The following ZNF93 variants were observed in gnomAD, a reference collection of about 807,000 sequenced individuals.
ZNF93 encodes zinc finger protein 505.
Under a neutral mutation model 45.0 loss-of-function variants are expected in ZNF93, and 29 were observed. That is an observed-to-expected ratio of 0.64 (90% CI 0.48 to 0.88). The LOEUF is 0.88. ZNF93 is among the 40% of genes least tolerant of loss of function. The probability of loss-of-function intolerance (pLI) is 0.00; values close to 1 mark genes in which losing one functional copy is unlikely to be tolerated. For missense variants in ZNF93, 578 were observed against 724.0 expected (o/e 0.80, Z 2.31); for synonymous variants, 223 against 244.6 (o/e 0.91, Z 0.82).
chr19:19,915,439 C>T (rs2063321073), intron 2 of ZNF93, 33 bp downstream of exon 2: 15 of 1,600,278 alleles, frequency 9.4e-6, no homozygotes, highest in Non-Finnish European at 1.2e-5. Context: ...ATTCATAATA[C>T]ACCCTAAAGG....
At chr19:19,917,266 C>T (rs921252425) in intron 3 of ZNF93, among the ~76,000 whole-genome samples, 19 of 152,098 alleles carry the variant, frequency 1.2e-4, no homozygotes, top group African/African-American at 3.9e-4. Context: ...AATACCACTG[C>T]AATTTTGATA....
intron 3 of ZNF93, among the ~76,000 whole-genome samples, chr19:19,927,522 T>C (rs1314744171): frequency 6.6e-6 from 1 of 152,202 alleles, no homozygotes; most frequent in African/African-American, 2.4e-5. Flanking sequence ...CTACTTTCTG[T>C]TTTTATGATT....
At chr19:19,914,797 T>C in intron 1 of ZNF93, 1 of 381,378 alleles carries the variant, frequency 2.6e-6, no homozygotes, top group South Asian at 1.9e-5. Flanking sequence ...AATATCCTTC[T>C]CGGGCCAAAA....
chr19:19,934,147 A>T lies in ZNF93; in HGVS notation c.1192A>T (p.Lys398Ter). 6.2e-7 allele frequency: 1 copy of T among 1,610,714 alleles called. No individual in the cohort carries two copies. The highest frequency in any genetic ancestry group is 1.1e-5 in the South Asian group (1 of 91,024). ...KRVHTGEKPYKCEECGKAFKY... is the reference protein window; with the variant it reads ...KRVHTGEKPY ...AGTTCATACTGGAGAGAAGCCCTAC[A>T]AATGTGAAGAATGTGGCAAAGCCTT... Residue 398 changes from lysine (K) to a stop codon, truncating the protein, a stop_gained, in exon 4 of 4, where the codon AAA becomes TAA. Coordinates refer to ENST00000343769, the MANE Select transcript of ZNF93 (RefSeq NM_031218.4). LOFTEE classifies it high-confidence loss of function.
intron 1 of ZNF93, among the ~76,000 whole-genome samples, chr19:19,911,842 C>T (rs750702566): frequency 1.3e-4 from 19 of 151,944 alleles, no homozygotes; most frequent in African/African-American, 1.9e-4. Flanking sequence ...CTCTGCCGCC[C>T]GGGTTCAGGT....
intron 3 of ZNF93, among the ~76,000 whole-genome samples, chr19:19,920,300 C>T (rs1366895868): frequency 6.6e-6 from 1 of 152,158 alleles, no homozygotes; most frequent in Non-Finnish European, 1.5e-5. Flanking sequence ...AGGGATGAAG[C>T]CCACTTGATC....
chr19:19,916,298 T>C (rs929935290), intron 2 of ZNF93, among the ~76,000 whole-genome samples: 2 of 152,084 alleles, frequency 1.3e-5, no homozygotes, highest in African/African-American at 4.8e-5. Flanking sequence ...AACTCCTGAC[T>C]TCGTGATCCG....
rs1476874851 is a variant in ZNF93 at position 19,901,233 on chromosome 19, C to T, written c.3+142C>T. ...TTCTTGCCCAGCTCGGCCTCGGTTC[C>T]CTTCAGCCATAAGATGGCGGCTGCG... On this transcript the variant is annotated intron_variant, in intron 1 of 3. Coordinates refer to ENST00000343769, the MANE Select transcript of ZNF93 (RefSeq NM_031218.4). The T allele has an allele frequency of 3.6e-6, 5 of 1,393,008 alleles. No homozygotes were observed. The East Asian group carries it at 1.2e-4, about 33-fold the overall frequency. The allele number at this position is 1,393,008 out of a possible 1,614,324, so 86.3% of individuals were successfully genotyped here.
rs762742310 is a variant in ZNF93 at position 19,933,789 on chromosome 19, T to C, written c.834T>C (p.Ile278=). 6.2e-7 allele frequency: 1 copy of C among 1,612,626 alleles called. No homozygotes were observed. Among genetic ancestry groups the C allele is most frequent in the South Asian group, 1.1e-5 (1 of 91,008 alleles). Residue 278 remains isoleucine, a synonymous_variant, in exon 4 of 4, where the codon ATT becomes ATC. Transcript: ENST00000343769. ...CGACACTTACTAAACATAAGAAAAT[T>C]CATACTGGAGAGAAACCCTACAAAT... The part of the protein sequence containing the change: ...QSSTLTKHKK[I]HTGEKPYKCE...
In ZNF93 at chr19:19,933,198, T is replaced by C. The variant is rs759152191; in HGVS notation, c.243T>C (p.Phe81=). ...TTCTTTCAGTTATATGTTCTCATTTTGCCCAAGATCTTTGGCCAGAGCAGA... is the reference window on the plus strand; with the variant it reads ...TTCTTTCAGTTATATGTTCTCATTTCGCCCAAGATCTTTGGCCAGAGCAGA... ...VANPSVICSH[F]AQDLWPEQNI... is the part of the protein sequence containing the mutation. The change falls in exon 4 of 4, where the codon TTT becomes TTC. Residue 81 remains phenylalanine (F), a synonymous_variant. Transcript: ENST00000343769. 6.5e-7 allele frequency: 1 copy of C among 1,535,114 alleles called. No individual in the cohort carries two copies. The highest frequency in any genetic ancestry group is 1.3e-5 in the South Asian group (1 of 77,048).
At chr19:19,916,470 A>G (rs2063324063) in intron 2 of ZNF93, 90 bp from the exon 3 acceptor site, 1 of 996,482 alleles carries the variant, frequency 1.0e-6, no homozygotes, top group Non-Finnish European at 1.5e-6. Flanking sequence ...TTACTAGAAT[A>G]TTTTATCACA....
intron 1 of ZNF93, among the ~76,000 whole-genome samples, chr19:19,913,873 G>A (rs1219662547): frequency 6.6e-6 from 1 of 152,202 alleles, no homozygotes; most frequent in Non-Finnish European, 1.5e-5. Flanking sequence ...ATGAAGAGCT[G>A]TGTCCACTCT....
rs562901274 is a variant in ZNF93, at chr19:19,922,039, C to T, written c.226+5384C>T. On this transcript the variant is annotated intron_variant, in intron 3 of 3. Transcript: ENST00000343769. ...CGTTGATGCAGTTTCTTCTTAGCCTCGATGGTCTTTACTATTTGGCATGTT... is the reference window on the plus strand; with the variant it reads ...CGTTGATGCAGTTTCTTCTTAGCCTTGATGGTCTTTACTATTTGGCATGTT... 3.1e-4 allele frequency among the ~76,000 whole-genome samples: 47 copies of T among 152,296 alleles called. No individual in the cohort carries two copies. The South Asian group carries it at 4.8e-3, about 15-fold the overall frequency.
At chr19:19,918,922 A>AG (rs1222714157) in intron 3 of ZNF93, among the ~76,000 whole-genome samples, 1 of 148,516 alleles carries the variant, frequency 6.7e-6, no homozygotes, top group African/African-American at 2.6e-5. Flanking sequence ...CTCTGATGGT[A>AG]GTTTTTTTTT....
At position 19,934,821 on chromosome 19, in the gene ZNF93, G is replaced by T; in HGVS notation, c.*3G>T. 6.3e-7 allele frequency: 1 copy of T among 1,585,598 alleles called. No homozygotes were observed. Among genetic ancestry groups the T allele is most frequent in the Non-Finnish European group, 8.6e-7 (1 of 1,167,578 alleles). ...TTCATACTGGGGAGAAACCCTAGAA[G>T]TGTGAAGAATGTGGCAAAGCCTTCA... On this transcript the variant is annotated 3_prime_UTR_variant, in exon 4 of 4. Coordinates refer to ENST00000343769, the MANE Select transcript of ZNF93 (RefSeq NM_031218.4).
rs539537041 is a variant in ZNF93, at chr19:19,924,308, C to T, written c.226+7653C>T. Among the ~76,000 whole-genome samples, 10 of 152,196 alleles carry T rather than the reference C, an allele frequency of 6.6e-5. No homozygotes were observed. The South Asian group carries it at 8.3e-4, about 13-fold the overall frequency. ...GTTTCACCATGTTGGTAAGGCTGGT[C>T]GGAAACTCCTGACCTTAGATGATCC... On this transcript the variant is annotated intron_variant, in intron 3 of 3. Coordinates refer to ENST00000343769, the MANE Select transcript of ZNF93 (RefSeq NM_031218.4).
At chr19:19,927,946 C>T (rs138054702) in intron 3 of ZNF93, among the ~76,000 whole-genome samples, 27 of 152,256 alleles carry the variant, frequency 1.8e-4, no homozygotes, top group African/African-American at 6.3e-4. Context: ...TGGTGTTTTA[C>T]CATGTTGGCC....
At chr19:19,905,041 C>A (rs2063288603) in intron 1 of ZNF93, among the ~76,000 whole-genome samples, 1 of 152,196 alleles carries the variant, frequency 6.6e-6, no homozygotes, top group African/African-American at 2.4e-5. Flanking sequence ...GAATCTGCAG[C>A]AGCAACCTGT....
chr19:19,933,051 A>G, intron 3 of ZNF93, 131 bp from the exon 4 acceptor site: 1 of 704,850 alleles, frequency 1.4e-6, no homozygotes. Context: ...GTTCAGGAAG[A>G]CATTACAGCT....
Sources: allele counts gnomAD v4.1 joint callset (sites outside exome capture counted in the v4.1 genomes callset), GRCh38; gene constraint gnomAD v4.1.1; transcripts MANE v1.5; gene names NCBI Gene and HGNC (gene_info 2026-07-23, HGNC 2026-07-21).